Variants in TMEM74 observed in about 807,000 individuals in gnomAD.
The protein encoded by TMEM74 is transmembrane protein 74.
TMEM74 carries 13 observed loss-of-function variants against 18.1 expected under a neutral mutation model. The ratio of observed to expected loss-of-function variants is 0.72; its 90% CI spans 0.47 to 1.14. The LOEUF (loss-of-function observed/expected upper bound fraction) is 1.14. TMEM74 is among the 50% of genes most tolerant of loss of function. The pLI, the probability that TMEM74 is intolerant of heterozygous loss-of-function variation, is 0.00. For missense variants in TMEM74, 372 were observed against 375.9 expected (o/e 0.99, Z 0.09); for synonymous variants, 159 against 146.6 (o/e 1.08, Z -0.61).
intron 1 of TMEM74, among the ~76,000 whole-genome samples, chr8:108,719,288 A>T (rs3019357): frequency 0.61 from 92,411 of 151,758 alleles, 28,587 homozygotes; most frequent in East Asian, 0.76. Flanking sequence ...ATCATGATTA[A>T]CTACCTATTT....
At chr8:108,690,579 G>C (rs1264743238) in intron 1 of TMEM74, among the ~76,000 whole-genome samples, 1 of 152,028 alleles carries the variant, frequency 6.6e-6, no homozygotes, top group Non-Finnish European at 1.5e-5. Flanking sequence ...ACTTTGGGAG[G>C]CCGAGGCGGG....
intron 2 of TMEM74, among the ~76,000 whole-genome samples, chr8:108,617,686 T>C (rs1289354506): frequency 6.6e-6 from 1 of 151,864 alleles, no homozygotes; most frequent in African/African-American, 2.4e-5. Context: ...AAAAATGGAA[T>C]GAATGGAATA....
At chr8:108,643,153 GC>G (rs2130563615) in intron 2 of TMEM74, among the ~76,000 whole-genome samples, 1 of 152,268 alleles carries the variant, frequency 6.6e-6, no homozygotes, top group South Asian at 2.1e-4. Context: ...GAAATACATA[GC>G]CTAACCCAGT....
intron 1 of TMEM74, among the ~76,000 whole-genome samples, chr8:108,702,912 G>A (rs1813351590): frequency 1.4e-5 from 2 of 148,128 alleles, no homozygotes; most frequent in Admixed American, 6.8e-5. Flanking sequence ...AACAGTGAGT[G>A]GGTAGGAATT....
chr8:108,686,359 C>T (rs938307869), intron 1 of TMEM74, among the ~76,000 whole-genome samples: 7 of 151,284 alleles, frequency 4.6e-5, no homozygotes, highest in South Asian at 4.2e-4. Flanking sequence ...CCACCGCGCC[C>T]GGCTAATTTT....
intron 1 of TMEM74, among the ~76,000 whole-genome samples, chr8:108,756,523 A>G (rs1192196453): frequency 1.4e-5 from 2 of 146,562 alleles, no homozygotes; most frequent in Non-Finnish European, 3.0e-5. Flanking sequence ...GCAAATTTAG[A>G]GGAACAGAGC....
At chr8:108,778,555 GA>G (rs1266009302), downstream of TMEM74, among the ~76,000 whole-genome samples, 28 of 152,192 alleles carry the variant, frequency 1.8e-4, 1 homozygote, top group African/African-American at 6.0e-4. Context: ...ATGTAGATAA[GA>G]ATCTTGATCC....
chr8:108,669,082 C>A (rs1340011885), intron 1 of TMEM74, among the ~76,000 whole-genome samples: 2 of 152,012 alleles, frequency 1.3e-5, no homozygotes, highest in African/African-American at 4.8e-5. Context: ...CCTACTCAAC[C>A]ATTCCCCCTT....
chr8:108,671,063 A>C (rs1389593463), intron 1 of TMEM74, among the ~76,000 whole-genome samples: 1 of 152,200 alleles, frequency 6.6e-6, no homozygotes, highest in African/African-American at 2.4e-5. Flanking sequence ...GTGGTTTTTG[A>C]ATCAGGGAAG....
intron 1 of TMEM74, among the ~76,000 whole-genome samples, chr8:108,660,764 A>G (rs896620087): frequency 1.3e-5 from 2 of 152,158 alleles, no homozygotes; most frequent in African/African-American, 4.8e-5. Flanking sequence ...TAGCCGTAAT[A>G]TCCCCACAGA....
chr8:108,668,802 T>C (rs1275689462), intron 1 of TMEM74, among the ~76,000 whole-genome samples: 1 of 152,146 alleles, frequency 6.6e-6, no homozygotes, highest in Non-Finnish European at 1.5e-5. Flanking sequence ...AAAACTTTTT[T>C]GTCAATCTTG....
chr8:108,716,397 C>A (rs999878561), intron 1 of TMEM74, among the ~76,000 whole-genome samples: 1 of 151,826 alleles, frequency 6.6e-6, no homozygotes, highest in African/African-American at 2.4e-5. Context: ...AAAGAGGTAA[C>A]CTGTTTAGAA....
At chr8:108,692,931 T>A (rs1385109882) in intron 1 of TMEM74, among the ~76,000 whole-genome samples, 1 of 152,024 alleles carries the variant, frequency 6.6e-6, no homozygotes, top group African/African-American at 2.4e-5. Flanking sequence ...AATCCTATTG[T>A]CAAGGATTAT....
At chr8:108,714,075 T>C (rs1203466049) in intron 1 of TMEM74, among the ~76,000 whole-genome samples, 2 of 152,322 alleles carry the variant, frequency 1.3e-5, no homozygotes, top group Non-Finnish European at 2.9e-5. Flanking sequence ...CTTCCCACAC[T>C]GAGGGCAGTT....
At chr8:108,764,347 A>G (rs1814077885) in intron 1 of TMEM74, among the ~76,000 whole-genome samples, 1 of 152,200 alleles carries the variant, frequency 6.6e-6, no homozygotes, top group Non-Finnish European at 1.5e-5. Context: ...AAACTAAAAC[A>G]AACAAAAACC....
At chr8:108,646,463 C>T (rs1178316800) in intron 2 of TMEM74, among the ~76,000 whole-genome samples, 1 of 152,018 alleles carries the variant, frequency 6.6e-6, no homozygotes, top group African/African-American at 2.4e-5. Flanking sequence ...TGCAAGATTT[C>T]AAAATTAGTG....
At chr8:108,632,048 T>A (rs1399441793) in intron 2 of TMEM74, among the ~76,000 whole-genome samples, 1 of 151,948 alleles carries the variant, frequency 6.6e-6, no homozygotes, top group Non-Finnish European at 1.5e-5. Flanking sequence ...GGGAGGCAGG[T>A]GAGTGAACAG....
chr8:108,760,096 C>G (rs1397650553), intron 1 of TMEM74, among the ~76,000 whole-genome samples: 1 of 150,118 alleles, frequency 6.7e-6, no homozygotes, highest in Non-Finnish European at 1.5e-5. Flanking sequence ...TCGCTTGAAG[C>G]TGGGAGTTGG....
chr8:108,691,948 G>C (rs745681811), intron 1 of TMEM74, among the ~76,000 whole-genome samples: 1 of 152,122 alleles, frequency 6.6e-6, no homozygotes, highest in Non-Finnish European at 1.5e-5. Context: ...TCAAGTGGGA[G>C]AAATAAGAGA....
Sources: allele counts gnomAD v4.1 joint callset (sites outside exome capture counted in the v4.1 genomes callset), GRCh38; gene constraint gnomAD v4.1.1; transcripts MANE v1.5; gene names NCBI Gene and HGNC (gene_info 2026-07-23, HGNC 2026-07-21).